The following SETD4 variants were observed in gnomAD, a reference collection of about 807,000 sequenced individuals.
SETD4 encodes SET domain containing 4, also known as SET domain-containing protein 4.
Under a neutral mutation model 58.3 loss-of-function variants are expected in SETD4, and 46 were observed. The ratio of observed to expected loss-of-function variants is 0.79; its 90% CI spans 0.62 to 1.01. The LOEUF is 1.01. SETD4 is among the 50% of genes least tolerant of loss of function. The pLI is 0.00. For synonymous variants in SETD4, 190 were observed against 202.6 expected, an observed-to-expected ratio of 0.94 and a Z score of 0.53; for missense variants, 490 against 523.3, an observed-to-expected ratio of 0.94 and a Z score of 0.62.
chr21:36,050,705 T>C (rs1395637836), intron 4 of SETD4: 9 of 1,611,174 alleles, frequency 5.6e-6, no homozygotes, highest in East Asian at 2.2e-5. Context: ...CGCGGGGTCA[T>C]AGAGGTAAAG....
intron 2 of SETD4, 67 bp from the exon 3 acceptor site, chr21:36,057,271 G>T: frequency 8.8e-7 from 1 of 1,142,778 alleles, no homozygotes; most frequent in Non-Finnish European, 1.3e-6. Context: ...ATTTTTAAAA[G>T]AACATGTCTG....
At position 36,060,475 on chromosome 21, in the gene SETD4, A is replaced by C. The variant is rs562130746; in HGVS notation, c.-165T>G. On this transcript the variant is annotated 5_prime_UTR_variant, in exon 1 of 12. Transcript: ENST00000332131. ...CCAAAACTGCAGAGGGAGAGGCTGA[A>C]GGCTGTCGCGCCTGCCTGGTGTCCT... The C allele has an allele frequency of 2.6e-5, 4 of 152,610 alleles. No homozygotes were observed. Among genetic ancestry groups the C allele is most frequent in the Admixed American group, 2.0e-4 (3 of 15,312 alleles). The allele number at this position is 152,610 out of a possible 1,614,324, so 9.5% of individuals were successfully genotyped here.
chr21:36,053,271 G>A (rs560607350), intron 4 of SETD4: 15 of 430,390 alleles, frequency 3.5e-5, no homozygotes, highest in Non-Finnish European at 4.6e-5. Context: ...TTAAGGACAT[G>A]AGAGAGCTGG....
At chr21:36,055,733 T>C (rs1330503404) in intron 3 of SETD4, among the ~76,000 whole-genome samples, 1 of 152,192 alleles carries the variant, frequency 6.6e-6, no homozygotes, top group Non-Finnish European at 1.5e-5. Context: ...TCACCCGAAA[T>C]CTGGGGCTGG....
intron 3 of SETD4, among the ~76,000 whole-genome samples, chr21:36,056,600 C>T (rs759277765): frequency 2.0e-5 from 3 of 152,172 alleles, no homozygotes; most frequent in Non-Finnish European, 4.4e-5. Context: ...ACTCTATCGC[C>T]CAAGCTGGAG....
rs377131417 is a variant in SETD4, at chr21:36,043,858, G to A, written c.825C>T (p.His275=). Residue 275 remains histidine, a synonymous_variant, in exon 7 of 12, where the codon CAC becomes CAT. Coordinates refer to ENST00000332131, the MANE Select transcript of SETD4 (RefSeq NM_017438.5). The stretch of plus-strand genomic sequence containing the variant: ...ATTCCAGGAACAGCCGTTGATTATC[G>A]TGAGGGCCGTAACAGATGAATACCT... The part of the protein sequence containing the change: ...HEEVFICYGP[H]DNQRLFLEYG... The A allele has an allele frequency of 1.7e-5, 27 of 1,614,062 alleles. No individual in the cohort carries two copies. The highest frequency in any genetic ancestry group is 1.2e-4 in the African/African-American group (9 of 74,932).
chr21:36,041,896 C>CAAA lies in SETD4; in HGVS notation c.902-11_902-9dup, dbSNP rs11404455. The CAAA allele has an allele frequency of 0.11, 132,403 of 1,171,286 alleles. 2,483 individuals are homozygous for CAAA. Among genetic ancestry groups the CAAA allele is most frequent in the East Asian group, 0.22 (7,710 of 35,058 alleles). The allele number at this position is 1,171,286 out of a possible 1,614,324, so 72.6% of individuals were successfully genotyped here. A position where few individuals can be genotyped will look rare whatever the true frequency, so the allele number is the denominator to read the frequency against. On this transcript the variant is annotated splice_polypyrimidine_tract_variant and intron_variant, in intron 7 of 11. Transcript: ENST00000332131. Reference sequence around the variant, plus strand: ...GATATTTAACAAGTATTTCTATATTCAAAAAAAAAAATCAGACTGTTAGGG... The same window carrying CAAA: ...GATATTTAACAAGTATTTCTATATTCAAAAAAAAAAAAAATCAGACTGTTAGGG...
At chr21:36,051,071 C>T (rs1458750873) in intron 4 of SETD4, 11 of 1,436,518 alleles carry the variant, frequency 7.7e-6, no homozygotes, top group Non-Finnish European at 9.8e-6. Context: ...TAGGTTTCAT[C>T]GTCTTTCATA....
chr21:36,040,645 A>AT lies in SETD4; in HGVS notation c.993dup (p.Phe332IlefsTer15). ...CTCCAAGATGGTCCATCCCATCCAA[A>AT]TGTCAAATTTCTGAAGTAGAAAAAC... On this transcript the variant is annotated frameshift_variant, in exon 9 of 12. Transcript: ENST00000332131. LOFTEE classifies it high-confidence loss of function. The AT allele has an allele frequency of 6.2e-7, 1 of 1,613,672 alleles. No individual in the cohort carries two copies. Among genetic ancestry groups the AT allele is most frequent in the Non-Finnish European group, 8.5e-7 (1 of 1,179,638 alleles).
chr21:36,047,398 T>A (rs1182495679), intron 5 of SETD4, among the ~76,000 whole-genome samples: 2 of 152,214 alleles, frequency 1.3e-5, no homozygotes, highest in African/African-American at 4.8e-5. Context: ...TTCTTCCCCA[T>A]CAGCCTCCTC....
intron 4 of SETD4, 119 bp from the exon 5 acceptor site, chr21:36,048,515 A>C: frequency 1.2e-6 from 1 of 828,148 alleles, no homozygotes; most frequent in South Asian, 1.5e-5. Context: ...TAACTCAACC[A>C]AAAGCCACCA....
chr21:36,051,070 T>A (rs2064656074), intron 4 of SETD4: 1 of 1,438,032 alleles, frequency 7.0e-7, no homozygotes, highest in Admixed American at 1.7e-5. Flanking sequence ...GTAGGTTTCA[T>A]CGTCTTTCAT....
rs1458000759 is a variant in SETD4, at chr21:36,046,010, A to G, written c.298T>C (p.Trp100Arg). 1.2e-6 allele frequency: 2 copies of G among 1,604,282 alleles called. No individual in the cohort carries two copies. The highest frequency in any genetic ancestry group is 3.4e-5 in the Admixed American group (2 of 57,982). ...RSYLGAYITK[W>R]KPPPSPLLAL... ...AGCAGAGGAGATGGAGGAGGCTTCC[A>G]CCTTTGAAAATTAAAAGCCAGTTTA... is the stretch of plus-strand genomic sequence containing the variant. The change falls in exon 6 of 12, where the codon TGG becomes CGG. Residue 100 changes from tryptophan to arginine, a missense_variant and splice_region_variant. Physicochemically the swap from Trp to Arg is moderately radical, Grantham distance 101. Transcript: ENST00000332131.
At chr21:36,050,570 A>G (rs2064618003) in intron 4 of SETD4, 1 of 1,613,936 alleles carries the variant, frequency 6.2e-7, no homozygotes, top group East Asian at 2.2e-5. Flanking sequence ...AGTTCTGGAC[A>G]TTTCAAGAGT....
intron 5 of SETD4, 30 bp downstream of exon 5, chr21:36,048,278 C>G: frequency 6.3e-7 from 1 of 1,588,992 alleles, no homozygotes; most frequent in Non-Finnish European, 8.6e-7. Flanking sequence ...GAAGCACTTG[C>G]ACCAGGTAAG....
chr21:36,040,588 C>T lies in SETD4; in HGVS notation c.1051G>A (p.Glu351Lys), dbSNP rs1568905237. 5.6e-6 allele frequency: 9 copies of T among 1,613,742 alleles called. No homozygotes were observed. Among genetic ancestry groups the T allele is most frequent in the Non-Finnish European group, 7.6e-6 (9 of 1,179,716 alleles). Residue 351 changes from glutamate to lysine, a missense_variant, in exon 9 of 12, where the codon GAA (glutamate) becomes AAA (lysine). Transcript: ENST00000332131. ...LLTALKLLCL[E>K]AEKFTCWKKV... The stretch of plus-strand genomic sequence containing the variant: ...TGTGAAACTTACAATTTCTCAGCTT[C>T]CAGACATAACAACTTAAGGGCTGTG...
intron 6 of SETD4, among the ~76,000 whole-genome samples, chr21:36,044,170 G>A (rs2064195166): frequency 1.3e-5 from 2 of 152,198 alleles, no homozygotes; most frequent in Non-Finnish European, 2.9e-5. Context: ...GGCTCTGGGG[G>A]TGGCCACACC....
At chr21:36,037,677 A>G (rs2063847920) in intron 10 of SETD4, among the ~76,000 whole-genome samples, 1 of 151,776 alleles carries the variant, frequency 6.6e-6, no homozygotes, top group South Asian at 2.1e-4. Flanking sequence ...CATAGGTACT[A>G]TGTTAACAGT....
At chr21:36,041,913 C>CT in intron 7 of SETD4, 25 bp from the exon 8 acceptor site, 1 of 1,198,256 alleles carries the variant, frequency 8.3e-7, no homozygotes, top group Non-Finnish European at 1.2e-6. Flanking sequence ...AAAAATCAGA[C>CT]TGTTAGGGCA....
Sources: gnomAD v4.1 joint callset for allele counts (sites outside exome capture counted in the v4.1 genomes callset) on GRCh38, gnomAD v4.1.1 for gene constraint, MANE v1.5 for transcripts, NCBI Gene and HGNC (gene_info 2026-07-23, HGNC 2026-07-21) for gene names.